OXCT1: variants seen among roughly 807,000 people sequenced by gnomAD.
OXCT1 encodes the protein succinyl-CoA:3-ketoacid coenzyme A transferase 1, mitochondrial.
Under a neutral mutation model 69.6 loss-of-function variants are expected in OXCT1, and 27 were observed. The observed-to-expected ratio is 0.39, with a 90% CI of 0.29 to 0.54. The LOEUF (loss-of-function observed/expected upper bound fraction) is 0.54. OXCT1 is among the 20% of genes least tolerant of loss of function. The pLI is 0.72. For synonymous variants in OXCT1, 202 were observed against 217.8 expected (o/e 0.93, Z 0.64); for missense variants, 437 against 650.2 (o/e 0.67, Z 3.57).
intron 15 of OXCT1, among the ~76,000 whole-genome samples, chr5:41,743,805 T>C (rs569060150): frequency 3.3e-4 from 51 of 152,324 alleles, no homozygotes; most frequent in African/African-American, 1.1e-3. Flanking sequence ...TGTGGCATTA[T>C]TTCTGAGGGC....
intron 7 of OXCT1, among the ~76,000 whole-genome samples, chr5:41,823,765 A>T (rs114632345): frequency 6.6e-6 from 1 of 152,208 alleles, no homozygotes; most frequent in South Asian, 2.1e-4. Flanking sequence ...TAAAGTTTCT[A>T]TCTTGAATTC....
chr5:41,804,163 G>C (rs1746557889), intron 9 of OXCT1, among the ~76,000 whole-genome samples: 1 of 152,040 alleles, frequency 6.6e-6, no homozygotes, highest in African/African-American at 2.4e-5. Context: ...TAGCTACTGG[G>C]TTTACCTCTA....
At chr5:41,765,671 T>G (rs1372554075) in intron 13 of OXCT1, among the ~76,000 whole-genome samples, 3 of 152,174 alleles carry the variant, frequency 2.0e-5, no homozygotes, top group African/African-American at 4.8e-5. Flanking sequence ...GGTGACTATG[T>G]CAGATGCTGT....
At chr5:41,829,770 T>A (rs942732865) in intron 7 of OXCT1, among the ~76,000 whole-genome samples, 6 of 152,200 alleles carry the variant, frequency 3.9e-5, no homozygotes, top group African/African-American at 1.4e-4. Flanking sequence ...TATTTATTAC[T>A]TCCTTGGTAG....
At chr5:41,754,208 G>A (rs989350734) in intron 14 of OXCT1, among the ~76,000 whole-genome samples, 4 of 139,638 alleles carry the variant, frequency 2.9e-5, no homozygotes, top group African/African-American at 1.1e-4. Flanking sequence ...ACTTTGTCTG[G>A]TAGAACAAGG....
intron 13 of OXCT1, among the ~76,000 whole-genome samples, chr5:41,764,784 G>T (rs1416225977): frequency 6.6e-6 from 1 of 152,150 alleles, no homozygotes; most frequent in Non-Finnish European, 1.5e-5. Context: ...GCTAACTGTG[G>T]CTGGGAAAGC....
chr5:41,773,821 A>G (rs772331057), intron 13 of OXCT1, among the ~76,000 whole-genome samples: 17 of 152,166 alleles, frequency 1.1e-4, no homozygotes, highest in Non-Finnish European at 1.6e-4. Context: ...GGTTTCAGTA[A>G]CGTTGACCAT....
chr5:41,826,447 G>C (rs1475678650), intron 7 of OXCT1, among the ~76,000 whole-genome samples: 3 of 152,090 alleles, frequency 2.0e-5, no homozygotes, highest in African/African-American at 7.2e-5. Context: ...CAGCGGGAGG[G>C]ATTAAGGTGA....
chr5:41,812,831 C>A (rs1471164772), intron 7 of OXCT1, among the ~76,000 whole-genome samples: 1 of 152,036 alleles, frequency 6.6e-6, no homozygotes, highest in Non-Finnish European at 1.5e-5. Context: ...AGACCCACAA[C>A]ATCTATATCC....
intron 13 of OXCT1, among the ~76,000 whole-genome samples, chr5:41,768,271 C>A (rs1316202868): frequency 6.6e-6 from 1 of 152,104 alleles, no homozygotes; most frequent in Non-Finnish European, 1.5e-5. Flanking sequence ...GACCATAAAA[C>A]CTTGCAAGAA....
Position 41,870,352 on chromosome 5 carries a change from C to G in OXCT1, c.7G>C (p.Ala3Pro), listed in dbSNP as rs1561144424. 1 of 1,613,110 alleles carries G rather than the reference C, an allele frequency of 6.2e-7. No homozygotes were observed. Among genetic ancestry groups the G allele is most frequent in the Admixed American group, 1.7e-5 (1 of 60,018 alleles). MA[A>P]LKLLSSGLRL... ...AGCCCGGAGGAGAGGAGTTTGAGAGCCGCCATCTTCGGGCGGTGAGGCAGG... is the reference window on the plus strand; with the variant it reads ...AGCCCGGAGGAGAGGAGTTTGAGAGGCGCCATCTTCGGGCGGTGAGGCAGG... The change falls in exon 1 of 17, where the codon GCT (alanine) becomes CCT (proline). Residue 3 changes from alanine to proline, a missense_variant. Around this residue, in one of 4 missense-constraint regions of OXCT1, gnomAD observed 79 missense variants for 61.5 expected, o/e 1.28. Transcript: ENST00000196371. The surrounding 1 kb of genome is among the most constrained non-coding windows in gnomAD (Gnocchi z 4.2).
At chr5:41,811,665 T>G (rs371363806) in intron 7 of OXCT1, among the ~76,000 whole-genome samples, 2 of 152,088 alleles carry the variant, frequency 1.3e-5, no homozygotes, top group South Asian at 4.1e-4. Context: ...GTCTTAGATG[T>G]CTATAAGGAA....
At chr5:41,809,409 GA>G (rs1349451135) in intron 7 of OXCT1, among the ~76,000 whole-genome samples, 1 of 151,948 alleles carries the variant, frequency 6.6e-6, no homozygotes, top group Non-Finnish European at 1.5e-5. Context: ...ATGTTAAAAA[GA>G]AAATAGAGAG....
intron 15 of OXCT1, among the ~76,000 whole-genome samples, chr5:41,743,976 T>G (rs1743333222): frequency 6.6e-6 from 1 of 152,072 alleles, no homozygotes. Flanking sequence ...CTTTTTTGGT[T>G]CCATATGAAC....
At chr5:41,757,596 T>C (rs1744143685) in intron 14 of OXCT1, among the ~76,000 whole-genome samples, 1 of 152,062 alleles carries the variant, frequency 6.6e-6, no homozygotes, top group African/African-American at 2.4e-5. Flanking sequence ...TAAATTAACA[T>C]ACTCAGAAGG....
intron 11 of OXCT1, among the ~76,000 whole-genome samples, chr5:41,797,730 G>A (rs144413086): frequency 1.8e-4 from 28 of 152,286 alleles, no homozygotes; most frequent in African/African-American, 6.5e-4. Context: ...TGAACTAGTG[G>A]TTTGCAAACT....
intron 13 of OXCT1, among the ~76,000 whole-genome samples, chr5:41,782,416 G>T (rs1239030580): frequency 6.6e-6 from 1 of 152,002 alleles, no homozygotes; most frequent in Non-Finnish European, 1.5e-5. Flanking sequence ...GTTTCACTGT[G>T]TTGGCCAGGC....
At chr5:41,840,545 G>A in intron 6 of OXCT1, 34 bp from the exon 7 acceptor site, 6 of 1,388,582 alleles carry the variant, frequency 4.3e-6, no homozygotes, top group Non-Finnish European at 6.1e-6. Context: ...AAGTGGGGGG[G>A]AAAAGACGAA....
At chr5:41,822,400 G>C (rs1158080306) in intron 7 of OXCT1, among the ~76,000 whole-genome samples, 1 of 152,102 alleles carries the variant, frequency 6.6e-6, no homozygotes, top group Non-Finnish European at 1.5e-5. Context: ...TATCATTATG[G>C]ACTAGCCCTC....
Sources: gnomAD v4.1 joint callset for allele counts (sites outside exome capture counted in the v4.1 genomes callset) on GRCh38, gnomAD v4.1.1 for gene constraint, gnomAD v4.1.1 regional missense constraint, Gnocchi (gnomAD v3.1) non-coding constraint, MANE v1.5 for transcripts, NCBI Gene and HGNC (gene_info 2026-07-23, HGNC 2026-07-21) for gene names.